VGLL4: variants seen among roughly 807,000 people sequenced by gnomAD.
VGLL4 encodes the protein vestigial like family member 4.
In VGLL4, 7 loss-of-function variants were observed where a neutral mutation model predicts 21.0. The ratio of observed to expected loss-of-function variants is 0.33; its 90% CI spans 0.19 to 0.63. VGLL4 has a LOEUF of 0.63. VGLL4 is among the 20% of genes least tolerant of loss of function. The probability of loss-of-function intolerance (pLI) is 0.78; values close to 1 mark genes in which losing one functional copy is unlikely to be tolerated. For synonymous variants in VGLL4, 222 were observed against 173.2 expected (o/e 1.28, Z -2.21); for missense variants, 394 against 425.7 (o/e 0.93, Z 0.66).
chr3:11,571,349 C>G (rs988096947), intron 2 of VGLL4, among the ~76,000 whole-genome samples: 1 of 152,254 alleles, frequency 6.6e-6, no homozygotes, highest in Non-Finnish European at 1.5e-5. Context: ...GCCAGCATCA[C>G]TGCCACAACC....
intron 1 of VGLL4, among the ~76,000 whole-genome samples, chr3:11,623,601 T>C (rs1039682415): frequency 5.3e-5 from 8 of 152,206 alleles, no homozygotes; most frequent in Non-Finnish European, 1.0e-4. Flanking sequence ...TTTCTACAAC[T>C]GTCTAGGTCT....
intron 1 of VGLL4, among the ~76,000 whole-genome samples, chr3:11,717,782 G>T (rs368353340): frequency 3.3e-5 from 5 of 152,102 alleles, no homozygotes; most frequent in East Asian, 3.8e-4. Flanking sequence ...AAGCTTCAAA[G>T]AATTTATAAA....
At chr3:11,626,777 T>C (rs1285081126) in intron 1 of VGLL4, among the ~76,000 whole-genome samples, 1 of 152,132 alleles carries the variant, frequency 6.6e-6, no homozygotes, top group African/African-American at 2.4e-5. Context: ...AGACAAGCAC[T>C]AGGAAGGCAA....
At chr3:11,704,496 A>C (rs866150859) in intron 1 of VGLL4, among the ~76,000 whole-genome samples, 14 of 152,094 alleles carry the variant, frequency 9.2e-5, no homozygotes, top group African/African-American at 3.4e-4. Flanking sequence ...AAGGAGCTCC[A>C]GGCGGGAAAA....
chr3:11,608,075 G>C (rs140778380), intron 1 of VGLL4, among the ~76,000 whole-genome samples: 2,193 of 152,266 alleles, frequency 0.014, 35 homozygotes, highest in Middle Eastern at 0.048. Flanking sequence ...TTTCCCTCTT[G>C]TTCTAACATG....
intron 1 of VGLL4, among the ~76,000 whole-genome samples, chr3:11,640,973 C>G (rs560207312): frequency 6.6e-6 from 1 of 151,804 alleles, no homozygotes; most frequent in Non-Finnish European, 1.5e-5. Context: ...AAAAATGGGC[C>G]GGGCATGGTG....
chr3:11,681,464 G>A (rs1234551122), intron 2 of VGLL4, among the ~76,000 whole-genome samples: 5 of 152,180 alleles, frequency 3.3e-5, no homozygotes, highest in Non-Finnish European at 7.3e-5. Flanking sequence ...CTCGGCGTTG[G>A]GAGCCCGCTG....
intron 1 of VGLL4, 103 bp downstream of exon 1, chr3:11,643,334 C>T: frequency 6.3e-7 from 1 of 1,582,998 alleles, no homozygotes; most frequent in Non-Finnish European, 8.6e-7. Context: ...GTGCCCTACA[C>T]CCCGGAGGAG....
chr3:11,587,143 G>A (rs2125236680), intron 2 of VGLL4, among the ~76,000 whole-genome samples: 1 of 152,352 alleles, frequency 6.6e-6, no homozygotes. Flanking sequence ...CTGGGAGAGG[G>A]AGTTTGGGAG....
chr3:11,635,384 C>T (rs1030696731), intron 1 of VGLL4, among the ~76,000 whole-genome samples: 10 of 152,200 alleles, frequency 6.6e-5, no homozygotes, highest in African/African-American at 2.4e-4. Flanking sequence ...TGAGCACCAA[C>T]AGAACAATCT....
chr3:11,702,967 T>C, intron 2 of VGLL4: 1 of 1,611,026 alleles, frequency 6.2e-7, no homozygotes. Context: ...GACTCCTCAC[T>C]TACGTTTTTC....
At chr3:11,588,200 T>C (rs1003714809) in intron 2 of VGLL4, among the ~76,000 whole-genome samples, 2 of 152,210 alleles carry the variant, frequency 1.3e-5, no homozygotes, top group Admixed American at 6.5e-5. Context: ...CTGGTTGGTG[T>C]CAGGCACTGG....
intron 1 of VGLL4, among the ~76,000 whole-genome samples, chr3:11,619,738 G>A (rs1194864425): frequency 6.6e-6 from 1 of 152,102 alleles, no homozygotes; most frequent in Non-Finnish European, 1.5e-5. Flanking sequence ...CCCCTGTACA[G>A]TGCCCTCCCA....
At chr3:11,615,208 GTC>G (rs2075139425) in intron 1 of VGLL4, among the ~76,000 whole-genome samples, 2 of 152,138 alleles carry the variant, frequency 1.3e-5, no homozygotes, top group South Asian at 4.1e-4. Context: ...GAACTGACCT[GTC>G]TCTTTTTTGG....
intron 2 of VGLL4, among the ~76,000 whole-genome samples, chr3:11,599,452 A>C (rs1020137700): frequency 1.4e-5 from 2 of 147,888 alleles, no homozygotes; most frequent in Non-Finnish European, 3.0e-5. Context: ...ACTTAAAATT[A>C]TTTATAGTGT....
chr3:11,643,310 C>T (rs1300310767), intron 1 of VGLL4, 127 bp downstream of exon 1: 19 of 1,433,750 alleles, frequency 1.3e-5, no homozygotes, highest in African/African-American at 4.2e-5. Context: ...ACCTAAGAAA[C>T]GCCGGCCTTT....
chr3:11,626,311 T>C (rs926636207), intron 1 of VGLL4: 1 of 454,034 alleles, frequency 2.2e-6, no homozygotes, highest in East Asian at 7.0e-5. Context: ...AAAAATACAC[T>C]GCAAGCACAC....
At position 11,624,071 on chromosome 3, in the gene VGLL4, A is replaced by G. The variant is rs146633771; in HGVS notation, c.82+19366T>C. On this transcript the variant is annotated intron_variant, in intron 1 of 4. Coordinates refer to ENST00000430365, the MANE Select transcript of VGLL4 (RefSeq NM_001128219.3). ...TTTCCTTATTGTTTTTCATCCAGCC[A>G]CTCCTATTTCATGTCTAGTACAATG... Among the ~76,000 whole-genome samples the G allele has an allele frequency of 2.2e-3, 335 of 151,926 alleles. 1 individual carries two copies. Among genetic ancestry groups the G allele is most frequent in the Non-Finnish European group, 3.9e-3 (263 of 67,930 alleles).
intron 1 of VGLL4, among the ~76,000 whole-genome samples, chr3:11,617,637 T>C (rs1355138735): frequency 6.6e-6 from 1 of 152,220 alleles, no homozygotes; most frequent in Non-Finnish European, 1.5e-5. Context: ...TACATTGACC[T>C]GATCTTTCCG....
Sources: gnomAD v4.1 joint callset for allele counts (sites outside exome capture counted in the v4.1 genomes callset) on GRCh38, gnomAD v4.1.1 for gene constraint, MANE v1.5 for transcripts, NCBI Gene and HGNC (gene_info 2026-07-23, HGNC 2026-07-21) for gene names.